MLKL: variants seen among roughly 807,000 people sequenced by gnomAD.
MLKL encodes mixed lineage kinase domain-like protein.
Under a neutral mutation model 56.5 loss-of-function variants are expected in MLKL, and 55 were observed. The observed-to-expected ratio is 0.97, with a 90% CI of 0.78 to 1.22. The LOEUF (loss-of-function observed/expected upper bound fraction) is 1.22. Among genes scored for constraint, MLKL ranks in the 50% most tolerant of loss-of-function variants. The probability of loss-of-function intolerance (pLI) is 0.00; values close to 1 mark genes in which losing one functional copy is unlikely to be tolerated. For missense variants in MLKL, 694 were observed against 573.9 expected, an observed-to-expected ratio of 1.21 and a Z score of -2.14; for synonymous variants, 251 against 208.3, an observed-to-expected ratio of 1.20 and a Z score of -1.76.
chr16:74,695,857 T>C (rs1961006992), intron 1 of MLKL, 98 bp from the exon 2 acceptor site: 5 of 1,065,374 alleles, frequency 4.7e-6, no homozygotes, highest in African/African-American at 1.6e-5. Flanking sequence ...CTTAAATGCC[T>C]GAGGAGGTCT....
intron 5 of MLKL, among the ~76,000 whole-genome samples, chr16:74,684,329 A>G (rs1184751955): frequency 6.6e-6 from 1 of 151,510 alleles, no homozygotes; most frequent in Non-Finnish European, 1.5e-5. Flanking sequence ...AGGGGATAAG[A>G]CAGGAGTTGC....
intron 3 of MLKL, 28 bp from the exon 4 acceptor site, chr16:74,691,491 A>G: frequency 6.3e-7 from 1 of 1,597,422 alleles, no homozygotes; most frequent in Non-Finnish European, 8.5e-7. Flanking sequence ...AGGAAAGAAG[A>G]CAAAAGAGTC....
intron 4 of MLKL, among the ~76,000 whole-genome samples, chr16:74,689,464 C>A (rs1960537051): frequency 1.3e-5 from 2 of 152,082 alleles, no homozygotes; most frequent in Admixed American, 1.3e-4. Flanking sequence ...ATAGGTAAAT[C>A]TTACGGTATG....
chr16:74,683,289 T>G (rs1226620916), intron 5 of MLKL, among the ~76,000 whole-genome samples: 1 of 101,656 alleles, frequency 9.8e-6, no homozygotes, highest in East Asian at 3.8e-4. Flanking sequence ...TGACACTACA[T>G]CTCAAAAAAA....
intron 2 of MLKL, 109 bp downstream of exon 2, chr16:74,695,189 A>T (rs1214423983): frequency 8.4e-7 from 1 of 1,190,468 alleles, no homozygotes; most frequent in Non-Finnish European, 1.2e-6. Context: ...TTGAGGTACA[A>T]GTATATTACA....
intron 5 of MLKL, among the ~76,000 whole-genome samples, chr16:74,684,623 T>A (rs1298950171): frequency 6.6e-6 from 1 of 150,792 alleles, no homozygotes; most frequent in Non-Finnish European, 1.5e-5. Flanking sequence ...GCCTCCCGAG[T>A]AGCTGGGACT....
At chr16:74,673,543 T>C (rs748851684) in intron 10 of MLKL, among the ~76,000 whole-genome samples, 46 of 152,096 alleles carry the variant, frequency 3.0e-4, no homozygotes, top group Middle Eastern at 6.8e-3. Context: ...CTGGGCTTTG[T>C]GGAAAGTCTG....
Position 74,695,527 on chromosome 16 carries a change from T to C in MLKL, c.231A>G (p.Glu77=). Residue 77 remains glutamate (E), a synonymous_variant, in exon 2 of 11, where the codon GAA becomes GAG. Coordinates refer to ENST00000308807, the MANE Select transcript of MLKL (RefSeq NM_152649.4). ...AGATATTGGATCTATTGCTGAACTT[T>C]TCTATCTCCCCATTAGCCTCCTCCA... is the stretch of plus-strand genomic sequence containing the variant. ...AALEEANGEI[E]KFSNRSNICR... 6.2e-7 allele frequency: 1 copy of C among 1,614,236 alleles called. No homozygotes were observed. The highest frequency in any genetic ancestry group is 1.3e-5 in the African/African-American group (1 of 75,064).
In MLKL at chr16:74,676,529, T is replaced by C. The variant is rs1208411846; in HGVS notation, c.1039-765A>G. ...ACACGTTTCCTGAGCACTGACATTCTCTTACATCTAGCGCCGTATGGGATA... is the reference window on the plus strand; with the variant it reads ...ACACGTTTCCTGAGCACTGACATTCCCTTACATCTAGCGCCGTATGGGATA... On this transcript the variant is annotated intron_variant, in intron 7 of 10. Transcript: ENST00000308807. 1.7e-5 allele frequency: 16 copies of C among 950,414 alleles called. No homozygotes were observed. The East Asian group carries it at 1.5e-3, about 89-fold the overall frequency. 58.9% of individuals were successfully genotyped at this position (950,414 alleles called of 1,614,324 possible). A position where few individuals can be genotyped will look rare whatever the true frequency, so the allele number is the denominator to read the frequency against.
At chr16:74,691,820 G>A (rs185843307) in intron 3 of MLKL, among the ~76,000 whole-genome samples, 4 of 152,150 alleles carry the variant, frequency 2.6e-5, no homozygotes, top group East Asian at 3.9e-4. Flanking sequence ...GGCATCTGGC[G>A]TAGTCATTTC....
intron 4 of MLKL, among the ~76,000 whole-genome samples, chr16:74,686,799 C>T (rs1960357891): frequency 6.6e-6 from 1 of 152,016 alleles, no homozygotes; most frequent in South Asian, 2.1e-4. Flanking sequence ...GGTTCAGAGC[C>T]TATAAAAATC....
rs1960670329 is a variant in MLKL at position 74,691,437 on chromosome 16, T to C, written c.562A>G (p.Ile188Val). Reference sequence around the variant, plus strand: ...ATCTCCTTGATTTGCTCTTGCGGGATCTCCTGCATGCATTTTGGTGGTAAA... The same window carrying C: ...ATCTCCTTGATTTGCTCTTGCGGGACCTCCTGCATGCATTTTGGTGGTAAA... ...QYLPPKCMQE[I>V]PQEQIKEIKK... The change falls in exon 4 of 11, where the codon ATC (isoleucine) becomes GTC (valine). Residue 188 changes from isoleucine to valine, a missense_variant. Physicochemically the swap from Ile to Val is conservative, Grantham distance 29 (BLOSUM62 3). Transcript: ENST00000308807. 4.3e-6 allele frequency: 7 copies of C among 1,613,334 alleles called. No individual in the cohort carries two copies. The South Asian group carries it at 5.5e-5, about 13-fold the overall frequency.
At chr16:74,685,859 C>T (rs922399008) in intron 4 of MLKL, among the ~76,000 whole-genome samples, 2 of 152,106 alleles carry the variant, frequency 1.3e-5, no homozygotes, top group Admixed American at 1.3e-4. Flanking sequence ...ATTTTTATGA[C>T]CTACAGGGCT....
Position 74,675,461 on chromosome 16 carries a change from C to T in MLKL, c.1191-57G>A, listed in dbSNP as rs867962492. 22 of 1,591,858 alleles carry T rather than the reference C, an allele frequency of 1.4e-5. No individual in the cohort carries two copies. In the South Asian group the frequency reaches 1.8e-4, roughly 13 times the overall value. Reference sequence around the variant, plus strand: ...AACTAGTCTCCCCTTTCCCCTGTCCCTCTAGCCACTGCCAGAAAACTCAGT... The same window carrying T: ...AACTAGTCTCCCCTTTCCCCTGTCCTTCTAGCCACTGCCAGAAAACTCAGT... On this transcript the variant is annotated intron_variant, in intron 8 of 10. Coordinates refer to ENST00000308807, the MANE Select transcript of MLKL (RefSeq NM_152649.4).
intron 1 of MLKL, among the ~76,000 whole-genome samples, chr16:74,697,302 A>T (rs1961103156): frequency 6.6e-6 from 1 of 152,056 alleles, no homozygotes; most frequent in African/African-American, 2.4e-5. Context: ...TGATGACAAC[A>T]TTGAGCCACT....
chr16:74,688,902 T>C (rs1259199753), intron 4 of MLKL, among the ~76,000 whole-genome samples: 1 of 152,166 alleles, frequency 6.6e-6, no homozygotes, highest in African/African-American at 2.4e-5. Flanking sequence ...ATAATATAGA[T>C]GAACCTTGAA....
chr16:74,687,468 T>C (rs1257710599), intron 4 of MLKL, among the ~76,000 whole-genome samples: 2 of 151,328 alleles, frequency 1.3e-5, no homozygotes, highest in Non-Finnish European at 2.9e-5. Flanking sequence ...CTAAAATTTG[T>C]GTGGAAATGA....
chr16:74,695,540 T>C lies in MLKL; in HGVS notation c.218A>G (p.Asn73Ser), dbSNP rs778682910. Residue 73 changes from asparagine to serine, a missense_variant, in exon 2 of 11, where the codon AAT (asparagine) becomes AGT (serine). By Grantham distance (46) the Asn-to-Ser change is conservative. Coordinates refer to ENST00000308807, the MANE Select transcript of MLKL (RefSeq NM_152649.4). ...ATTGCTGAACTTTTCTATCTCCCCA[T>C]TAGCCTCCTCCAGGGCAGCCTTGAA... ...NRFKAALEEA[N>S]GEIEKFSNRS... 6.2e-7 allele frequency: 1 copy of C among 1,614,160 alleles called. No homozygotes were observed. Among genetic ancestry groups the C allele is most frequent in the South Asian group, 1.1e-5 (1 of 91,080 alleles).
intron 1 of MLKL, among the ~76,000 whole-genome samples, chr16:74,696,961 ATAGTAATATATATG>A (rs1229417660): frequency 9.2e-4 from 133 of 145,250 alleles, no homozygotes; most frequent in African/African-American, 3.4e-3. Context: ...TTACATATAT[ATAGTAATATATATG>A]TAATATTACA....
Sources: allele counts gnomAD v4.1 joint callset (sites outside exome capture counted in the v4.1 genomes callset), GRCh38; gene constraint gnomAD v4.1.1; transcripts MANE v1.5; gene names NCBI Gene and HGNC (gene_info 2026-07-23, HGNC 2026-07-21).